ASCC3: variants seen among roughly 807,000 people sequenced by gnomAD.
The protein encoded by ASCC3 is activating signal cointegrator 1 complex subunit 3, also known as ASC-1 complex subunit P200.
In ASCC3, 158 loss-of-function variants were observed where a neutral mutation model predicts 256.3. The ratio of observed to expected loss-of-function variants is 0.62; its 90% CI spans 0.54 to 0.70. The LOEUF is 0.70. ASCC3 is among the 30% of genes least tolerant of loss of function. The pLI is 0.00. For synonymous variants in ASCC3, 948 were observed against 883.4 expected (o/e 1.07, Z -1.30); for missense variants, 2,259 against 2,626.0 (o/e 0.86, Z 3.05).
At chr6:100,648,903 G>A (rs886479393) in intron 20 of ASCC3, among the ~76,000 whole-genome samples, 15 of 151,804 alleles carry the variant, frequency 9.9e-5, no homozygotes, top group African/African-American at 3.6e-4. Context: ...TCTATAACAT[G>A]TACAGTCTAG....
chr6:100,585,479 G>A (rs909747346), intron 36 of ASCC3, among the ~76,000 whole-genome samples: 10 of 151,992 alleles, frequency 6.6e-5, no homozygotes, highest in Admixed American at 3.9e-4. Flanking sequence ...TTATACATTC[G>A]TCTAAATTTT....
chr6:100,714,313 G>A (rs537953207), intron 13 of ASCC3, among the ~76,000 whole-genome samples: 1 of 152,106 alleles, frequency 6.6e-6, no homozygotes, highest in African/African-American at 2.4e-5. Context: ...AAGAATATTG[G>A]CATTTTATAT....
At chr6:100,638,084 G>C (rs1774933411) in intron 25 of ASCC3, among the ~76,000 whole-genome samples, 1 of 152,092 alleles carries the variant, frequency 6.6e-6, no homozygotes, top group Non-Finnish European at 1.5e-5. Flanking sequence ...TTCATGAAAG[G>C]AAGAGTCAAT....
chr6:100,640,969 T>C (rs1775093462), intron 24 of ASCC3, among the ~76,000 whole-genome samples: 1 of 152,160 alleles, frequency 6.6e-6, no homozygotes, highest in Non-Finnish European at 1.5e-5. Context: ...AGGGTTTCTC[T>C]TTGGAAGAAC....
intron 11 of ASCC3, among the ~76,000 whole-genome samples, chr6:100,724,734 T>A (rs1157061377): frequency 6.6e-6 from 1 of 151,854 alleles, no homozygotes; most frequent in Non-Finnish European, 1.5e-5. Flanking sequence ...CTATTTCCAT[T>A]TCAGTACAAA....
intron 40 of ASCC3, among the ~76,000 whole-genome samples, chr6:100,511,370 G>T (rs1451167111): frequency 6.6e-6 from 1 of 152,040 alleles, no homozygotes; most frequent in Non-Finnish European, 1.5e-5. Flanking sequence ...GGGAGCTGAT[G>T]TTGCACCCTT....
chr6:100,634,864 C>CAAAAAAAAAAA lies in ASCC3; in HGVS notation c.4123-3662_4123-3652dup, dbSNP rs199632200. On this transcript the variant is annotated intron_variant, in intron 25 of 41. Transcript: ENST00000369162. Reference sequence around the variant, plus strand: ...AGCGAGACCCCATCTCCTCAAAAAACAAAAAAAAAAAAAAAAAAGAAAAGA... The same window carrying CAAAAAAAAAAA: ...AGCGAGACCCCATCTCCTCAAAAAACAAAAAAAAAAAAAAAAAAAAAAAAAAAAAGAAAAGA... Among the ~76,000 whole-genome samples the CAAAAAAAAAAA allele has an allele frequency of 1.3e-4, 16 of 119,278 alleles. 1 individual carries two copies. Among genetic ancestry groups the CAAAAAAAAAAA allele is most frequent in the South Asian group, 2.9e-4 (1 of 3,434 alleles). The allele number at this position is 119,278 out of a possible 152,430, so 78.3% of individuals were successfully genotyped here.
chr6:100,879,001 G>A (rs1402595270), intron 1 of ASCC3, among the ~76,000 whole-genome samples: 1 of 152,080 alleles, frequency 6.6e-6, no homozygotes, highest in African/African-American at 2.4e-5. Flanking sequence ...TTTTTTATCT[G>A]TACTTCTGAC....
In ASCC3 at chr6:100,805,962, AG is replaced by A. The variant is rs1770160535; in HGVS notation, c.802-83del. The A allele has an allele frequency of 2.9e-6, 4 of 1,393,890 alleles. No individual in the cohort carries two copies. In the African/African-American group the frequency reaches 5.7e-5, roughly 20 times the overall value. The allele number at this position is 1,393,890 out of a possible 1,614,324, so 86.3% of individuals were successfully genotyped here. ...AAGTTATTAACAACCTATTCAACAG[AG>A]GTGTAAAGCCAAACTAATATAGAAA... On this transcript the variant is annotated intron_variant, in intron 4 of 41. Coordinates refer to ENST00000369162, the MANE Select transcript of ASCC3 (RefSeq NM_006828.4).
chr6:100,614,033 G>A (rs562294695), intron 30 of ASCC3, among the ~76,000 whole-genome samples: 1 of 152,202 alleles, frequency 6.6e-6, no homozygotes, highest in South Asian at 2.1e-4. Flanking sequence ...TGTAGGGTAA[G>A]ATATTAAAGA....
intron 8 of ASCC3, among the ~76,000 whole-genome samples, chr6:100,793,833 T>C (rs1265797558): frequency 6.6e-6 from 1 of 151,812 alleles, no homozygotes; most frequent in Non-Finnish European, 1.5e-5. Flanking sequence ...CATTCAGGGG[T>C]CTTGCTCCTA....
Position 100,585,227 on chromosome 6 carries a change from C to A in ASCC3, c.5550+4407G>T, listed in dbSNP as rs911723223. Among the ~76,000 whole-genome samples, 6 of 152,136 alleles carry A rather than the reference C, an allele frequency of 3.9e-5. No individual in the cohort carries two copies. The South Asian group carries it at 1.2e-3, about 32-fold the overall frequency. On this transcript the variant is annotated intron_variant, in intron 36 of 41. Transcript: ENST00000369162. ...CATTTTCAGGTACACCAATCAGACG[C>A]AGATTTGGTCTTTTCACATAGTCCC...
chr6:100,836,323 TA>T (rs59758933), intron 4 of ASCC3, among the ~76,000 whole-genome samples: 30,057 of 152,006 alleles, frequency 0.2, 3,247 homozygotes, highest in African/African-American at 0.26. Flanking sequence ...ATCCTCATCT[TA>T]TTCCAGATCT....
rs139990245 is a variant in ASCC3, at chr6:100,645,389, A to G, written c.3633+1226T>C. On this transcript the variant is annotated intron_variant, in intron 22 of 41. Coordinates refer to ENST00000369162, the MANE Select transcript of ASCC3 (RefSeq NM_006828.4). ...TAATAATAATGTTTATAGCTGAGGAAACTAAAGGAATTAAAGGTTTAGACA... is the reference window on the plus strand; with the variant it reads ...TAATAATAATGTTTATAGCTGAGGAGACTAAAGGAATTAAAGGTTTAGACA... Among the ~76,000 whole-genome samples, 77 of 152,100 alleles carry G rather than the reference A, an allele frequency of 5.1e-4. No homozygotes were observed. In the Middle Eastern group the frequency reaches 0.01, roughly 20 times the overall value.
rs57882047 is a variant in ASCC3 at position 100,525,156 on chromosome 6, C to CAAAAAAAAAAAAA, written c.5776-7027_5776-7015dup. Reference sequence around the variant, plus strand: ...TGGGTGACAGAGTGAGACCCTGTCTCAAAAAAAAAAAAAAAAAAAAAAAAA... The same window carrying CAAAAAAAAAAAAA: ...TGGGTGACAGAGTGAGACCCTGTCTCAAAAAAAAAAAAAAAAAAAAAAAAAAAAAAAAAAAAAA... On this transcript the variant is annotated intron_variant, in intron 37 of 41. Transcript: ENST00000369162. Among the ~76,000 whole-genome samples the CAAAAAAAAAAAAA allele has an allele frequency of 1.1e-3, 49 of 44,968 alleles. 1 individual carries two copies. The highest frequency in any genetic ancestry group is 1.4e-3 in the Non-Finnish European group (35 of 25,900). The allele number at this position is 44,968 out of a possible 152,430, so 29.5% of individuals were successfully genotyped here.
At chr6:100,758,342 T>C (rs544474338) in intron 10 of ASCC3, among the ~76,000 whole-genome samples, 1 of 152,278 alleles carries the variant, frequency 6.6e-6, no homozygotes, top group East Asian at 1.9e-4. Flanking sequence ...CTGCACCTAT[T>C]GACCCATCCT....
intron 3 of ASCC3, among the ~76,000 whole-genome samples, chr6:100,851,025 AT>A: frequency 6.6e-6 from 1 of 152,206 alleles, no homozygotes; most frequent in East Asian, 1.9e-4. Flanking sequence ...GCATCTTGGG[AT>A]TTTTTTAAAA....
intron 37 of ASCC3, among the ~76,000 whole-genome samples, chr6:100,525,846 G>C (rs186126173): frequency 3.9e-5 from 6 of 152,224 alleles, no homozygotes; most frequent in South Asian, 4.1e-4. Context: ...TACGGAAATT[G>C]ATCCTAGGCA....
chr6:100,568,637 G>A (rs1405964759), intron 36 of ASCC3, among the ~76,000 whole-genome samples: 1 of 151,496 alleles, frequency 6.6e-6, no homozygotes, highest in East Asian at 1.9e-4. Flanking sequence ...ATTTTCTGTA[G>A]GTTGTCTGTT....
Sources: allele counts gnomAD v4.1 joint callset (sites outside exome capture counted in the v4.1 genomes callset), GRCh38; gene constraint gnomAD v4.1.1; transcripts MANE v1.5; gene names NCBI Gene and HGNC (gene_info 2026-07-23, HGNC 2026-07-21).